The following NRG3 variants were observed in gnomAD, a reference collection of about 807,000 sequenced individuals.
NRG3 encodes neuregulin 3.
NRG3 carries 31 observed loss-of-function variants against 66.9 expected under a neutral mutation model. That is an observed-to-expected ratio of 0.46 (90% CI 0.35 to 0.63). The LOEUF (loss-of-function observed/expected upper bound fraction) is 0.63, where lower values mean the gene tolerates loss of function less well. Ranked by LOEUF, NRG3 falls within the 20% of genes least tolerant of loss-of-function variation. NRG3 has a pLI of 0.00. For synonymous variants in NRG3, 393 were observed against 359.4 expected (o/e 1.09, Z -1.06); for missense variants, 910 against 878.9 (o/e 1.04, Z -0.45).
At chr10:82,423,335 T>A (rs894417100) in intron 2 of NRG3, among the ~76,000 whole-genome samples, 1 of 151,926 alleles carries the variant, frequency 6.6e-6, no homozygotes, top group Non-Finnish European at 1.5e-5. Context: ...ATCGTTATAA[T>A]TATATATATC....
intron 1 of NRG3, among the ~76,000 whole-genome samples, chr10:82,177,905 G>A (rs758810420): frequency 8.5e-5 from 13 of 152,070 alleles, no homozygotes; most frequent in Non-Finnish European, 1.9e-4. Flanking sequence ...TGCCCTGGTT[G>A]ATCTCAAACT....
intron 1 of NRG3, among the ~76,000 whole-genome samples, chr10:81,998,506 T>A (rs1347858275): frequency 6.6e-6 from 1 of 152,104 alleles, no homozygotes; most frequent in East Asian, 1.9e-4. Context: ...GTCTTTGGAG[T>A]CAGACAAACT....
At chr10:82,350,917 A>G (rs2083395513) in intron 1 of NRG3, among the ~76,000 whole-genome samples, 1 of 147,190 alleles carries the variant, frequency 6.8e-6, no homozygotes, top group South Asian at 2.2e-4. Flanking sequence ...TTTTAGATGG[A>G]GTCTTGTGCT....
At chr10:82,576,394 C>G (rs992598228) in intron 2 of NRG3, among the ~76,000 whole-genome samples, 5 of 151,332 alleles carry the variant, frequency 3.3e-5, no homozygotes, top group African/African-American at 1.2e-4. Context: ...ATTCCTGCTC[C>G]CCTCCCCTCC....
intron 2 of NRG3, among the ~76,000 whole-genome samples, chr10:82,543,477 C>G (rs1438945014): frequency 6.6e-6 from 1 of 152,058 alleles, no homozygotes; most frequent in Non-Finnish European, 1.5e-5. Flanking sequence ...ATGTATCTAT[C>G]CACCAATGTC....
intron 1 of NRG3, among the ~76,000 whole-genome samples, chr10:82,056,335 A>G (rs2063846001): frequency 6.6e-6 from 1 of 150,726 alleles, no homozygotes; most frequent in Admixed American, 6.6e-5. Context: ...AGTGTATTTG[A>G]AAAAAAAAAT....
chr10:82,671,996 G>A (rs912573240), intron 2 of NRG3, among the ~76,000 whole-genome samples: 15 of 152,012 alleles, frequency 9.9e-5, no homozygotes, highest in African/African-American at 2.4e-4. Context: ...CCCAAGTTTC[G>A]GGCCTGAACT....
intron 1 of NRG3, among the ~76,000 whole-genome samples, chr10:82,128,961 T>C (rs1242668647): frequency 6.6e-6 from 1 of 152,028 alleles, no homozygotes; most frequent in Non-Finnish European, 1.5e-5. Context: ...TCATCCAGGC[T>C]GGAGTGCAGT....
chr10:82,882,815 C>A (rs1444951946), intron 4 of NRG3, among the ~76,000 whole-genome samples: 1 of 152,120 alleles, frequency 6.6e-6, no homozygotes, highest in African/African-American at 2.4e-5. Flanking sequence ...GTTATCTTCT[C>A]AATACTGCCT....
intron 2 of NRG3, among the ~76,000 whole-genome samples, chr10:82,549,874 A>G (rs576778763): frequency 2.6e-5 from 4 of 152,136 alleles, no homozygotes; most frequent in Non-Finnish European, 4.4e-5. Flanking sequence ...GTTGATTGAA[A>G]GATCCAATAC....
intron 2 of NRG3, among the ~76,000 whole-genome samples, chr10:82,552,833 A>C (rs2044403499): frequency 6.6e-6 from 1 of 152,178 alleles, no homozygotes; most frequent in Non-Finnish European, 1.5e-5. Flanking sequence ...AAAAACATAT[A>C]GTATATGTGC....
intron 2 of NRG3, among the ~76,000 whole-genome samples, chr10:82,540,149 T>C (rs2043439251): frequency 6.6e-6 from 1 of 152,162 alleles, no homozygotes. Context: ...AGCTTGCTAT[T>C]TTCCATAGCC....
chr10:82,148,852 A>G (rs2070462543), intron 1 of NRG3, among the ~76,000 whole-genome samples: 1 of 151,850 alleles, frequency 6.6e-6, no homozygotes, highest in Admixed American at 6.6e-5. Flanking sequence ...CTTCTCCACC[A>G]TCTCACCATC....
chr10:82,386,963 C>G (rs1273083947), intron 2 of NRG3, among the ~76,000 whole-genome samples: 4 of 152,062 alleles, frequency 2.6e-5, no homozygotes, highest in African/African-American at 9.7e-5. Context: ...ACACGCCCAG[C>G]TAATTTTTGT....
At chr10:82,815,606 A>G (rs1434708378) in intron 3 of NRG3, among the ~76,000 whole-genome samples, 3 of 151,962 alleles carry the variant, frequency 2.0e-5, no homozygotes, top group African/African-American at 7.3e-5. Context: ...GGAAATCTCA[A>G]TATTCTCATT....
intron 1 of NRG3, among the ~76,000 whole-genome samples, chr10:82,034,277 T>C (rs1370795128): frequency 7.9e-5 from 12 of 152,112 alleles, no homozygotes; most frequent in African/African-American, 2.9e-4. Flanking sequence ...ATTTCAGATA[T>C]GTTTACACAA....
intron 3 of NRG3, among the ~76,000 whole-genome samples, chr10:82,803,569 C>A (rs1395064538): frequency 6.6e-6 from 1 of 150,792 alleles, no homozygotes; most frequent in Non-Finnish European, 1.5e-5. Flanking sequence ...TTCTTTCATT[C>A]ATTCATTTTT....
At chr10:82,597,995 T>G (rs963986163) in intron 2 of NRG3, among the ~76,000 whole-genome samples, 2 of 152,182 alleles carry the variant, frequency 1.3e-5, no homozygotes, top group African/African-American at 4.8e-5. Context: ...GCATGTACCT[T>G]GATGATAACA....
chr10:82,193,951 A>G (rs1410830157), intron 1 of NRG3, among the ~76,000 whole-genome samples: 5 of 152,162 alleles, frequency 3.3e-5, no homozygotes, highest in Non-Finnish European at 2.9e-5. Flanking sequence ...TTGAGTTGTG[A>G]GTTTTTGCAA....
Sources: allele counts gnomAD v4.1 joint callset (sites outside exome capture counted in the v4.1 genomes callset), GRCh38; gene constraint gnomAD v4.1.1; transcripts MANE v1.5; gene names NCBI Gene and HGNC (gene_info 2026-07-23, HGNC 2026-07-21).